Variants in HSD17B3 observed in about 807,000 individuals in gnomAD.
The protein encoded by HSD17B3 is hydroxysteroid 17-beta dehydrogenase 3, also known as 17-beta-hydroxysteroid dehydrogenase type 3.
In HSD17B3, 29 loss-of-function variants were observed where a neutral mutation model predicts 41.1. The ratio of observed to expected loss-of-function variants is 0.71; its 90% CI spans 0.53 to 0.96. HSD17B3 has a LOEUF of 0.96. HSD17B3 is among the 40% of genes least tolerant of loss of function. The probability of loss-of-function intolerance (pLI) is 0.00; values close to 1 mark genes in which losing one functional copy is unlikely to be tolerated. For synonymous variants in HSD17B3, 126 were observed against 145.6 expected (o/e 0.87, Z 0.97); for missense variants, 323 against 374.6 (o/e 0.86, Z 1.14).
intron 2 of HSD17B3, among the ~76,000 whole-genome samples, chr9:96,281,403 AG>A (rs1314006653): frequency 6.6e-6 from 1 of 152,072 alleles, no homozygotes; most frequent in Non-Finnish European, 1.5e-5. Flanking sequence ...GGCCCAACTT[AG>A]GGGAGTTAGA....
At chr9:96,261,345 G>A (rs1032762962) in intron 2 of HSD17B3, among the ~76,000 whole-genome samples, 1 of 152,206 alleles carries the variant, frequency 6.6e-6, no homozygotes. Flanking sequence ...ATGGGCATGT[G>A]CCACCATGCC....
chr9:96,237,135 C>T (rs563665772), intron 10 of HSD17B3, among the ~76,000 whole-genome samples: 8 of 152,320 alleles, frequency 5.3e-5, no homozygotes, highest in African/African-American at 1.7e-4. Context: ...ACAGCAAAGT[C>T]AAGCCCTTTC....
rs1302316178 is a variant in HSD17B3 at position 96,275,010 on chromosome 9, T to C, written c.202-20067A>G. 3.9e-5 allele frequency among the ~76,000 whole-genome samples: 6 copies of C among 152,004 alleles called. No homozygotes were observed. In the South Asian group the frequency reaches 8.3e-4, roughly 21 times the overall value. On this transcript the variant is annotated intron_variant, in intron 2 of 10. Coordinates refer to ENST00000375263, the MANE Select transcript of HSD17B3 (RefSeq NM_000197.2). ...CATTTTGAAAGCAGCAAGAGAAAAG[T>C]TGGAACCCCCTACTAGCAGATTTCT...
chr9:96,240,910 A>G lies in HSD17B3; in HGVS notation c.673-3T>C. 2.5e-6 allele frequency: 4 copies of G among 1,614,200 alleles called. No individual in the cohort carries two copies. Among genetic ancestry groups the G allele is most frequent in the Non-Finnish European group, 2.5e-6 (3 of 1,180,044 alleles). Reference sequence around the variant, plus strand: ...GAGACAGCATATGGGGTCAGCACCTACAACGGGAAACAAAGACCATGGCAC... The same window carrying G: ...GAGACAGCATATGGGGTCAGCACCTGCAACGGGAAACAAAGACCATGGCAC... On this transcript the variant is annotated splice_polypyrimidine_tract_variant and splice_region_variant and intron_variant, in intron 9 of 10. Coordinates refer to ENST00000375263, the MANE Select transcript of HSD17B3 (RefSeq NM_000197.2).
chr9:96,243,915 G>C (rs1836551028), intron 9 of HSD17B3, among the ~76,000 whole-genome samples: 2 of 152,146 alleles, frequency 1.3e-5, no homozygotes, highest in Non-Finnish European at 2.9e-5. Flanking sequence ...CGGATCAAGT[G>C]CCCAGTTTTG....
intron 6 of HSD17B3, among the ~76,000 whole-genome samples, chr9:96,248,173 A>G (rs1161122835): frequency 6.6e-6 from 1 of 152,224 alleles, no homozygotes; most frequent in Non-Finnish European, 1.5e-5. Flanking sequence ...GCTGCAGATG[A>G]CAGTTAGACA....
intron 2 of HSD17B3, among the ~76,000 whole-genome samples, chr9:96,280,701 C>G (rs1826656885): frequency 6.6e-6 from 1 of 152,098 alleles, no homozygotes; most frequent in African/African-American, 2.4e-5. Context: ...GGGCTGCATT[C>G]CCAGATAGTT....
At chr9:96,278,499 T>C (rs1453533310) in intron 2 of HSD17B3, among the ~76,000 whole-genome samples, 6 of 152,274 alleles carry the variant, frequency 3.9e-5, no homozygotes, top group African/African-American at 1.4e-4. Flanking sequence ...TAGATGGCAG[T>C]GCTCTTGAAA....
chr9:96,294,112 C>T lies in HSD17B3; in HGVS notation c.201+4304G>A, dbSNP rs142503312. ...GAGCCCAGAAAATTGTTTAACACAG[C>T]CTCAGTAAAGAACATAAAGAGGCTG... On this transcript the variant is annotated intron_variant, in intron 2 of 10. Transcript: ENST00000375263. Among the ~76,000 whole-genome samples, 4 of 152,212 alleles carry T rather than the reference C, an allele frequency of 2.6e-5. No individual in the cohort carries two copies. In the East Asian group the frequency reaches 7.7e-4, roughly 29 times the overall value.
At chr9:96,245,796 CAT>C (rs1418246262) in intron 7 of HSD17B3, among the ~76,000 whole-genome samples, 1 of 152,186 alleles carries the variant, frequency 6.6e-6, no homozygotes, top group African/African-American at 2.4e-5. Context: ...AATGTGACCA[CAT>C]GAGCTGCCGG....
intron 3 of HSD17B3, 48 bp from the exon 4 acceptor site, chr9:96,252,958 C>CCCT (rs1473518721): frequency 5.9e-6 from 7 of 1,185,208 alleles, no homozygotes; most frequent in Non-Finnish European, 8.9e-6. Flanking sequence ...TCCAAATGCC[C>CCCT]CCTCGCCCAT....
At chr9:96,259,589 C>T (rs1329232721) in intron 2 of HSD17B3, among the ~76,000 whole-genome samples, 3 of 152,052 alleles carry the variant, frequency 2.0e-5, no homozygotes, top group Admixed American at 6.5e-5. Flanking sequence ...GGCATGGTGG[C>T]GCATGCCTGT....
intron 2 of HSD17B3, among the ~76,000 whole-genome samples, chr9:96,255,493 A>G (rs528224390): frequency 6.9e-6 from 1 of 145,466 alleles, no homozygotes; most frequent in South Asian, 2.2e-4. Context: ...GGGTTCAAGC[A>G]ATTCTCCTGC....
intron 9 of HSD17B3, among the ~76,000 whole-genome samples, chr9:96,241,336 A>G (rs1444418038): frequency 6.6e-6 from 1 of 152,210 alleles, no homozygotes; most frequent in East Asian, 1.9e-4. Context: ...CTGAAATTCA[A>G]ATTTAACTGG....
chr9:96,269,413 T>C (rs1826156360), intron 2 of HSD17B3, among the ~76,000 whole-genome samples: 1 of 152,152 alleles, frequency 6.6e-6, no homozygotes, highest in African/African-American at 2.4e-5. Flanking sequence ...GGCAGAAGTG[T>C]TTCTATCAGC....
chr9:96,248,253 T>C (rs1836752671), intron 6 of HSD17B3, among the ~76,000 whole-genome samples: 1 of 152,210 alleles, frequency 6.6e-6, no homozygotes, highest in Non-Finnish European at 1.5e-5. Flanking sequence ...AAAAGATGTG[T>C]GTACCCAATA....
chr9:96,287,427 C>A (rs1826966627), intron 2 of HSD17B3, among the ~76,000 whole-genome samples: 2 of 152,174 alleles, frequency 1.3e-5, no homozygotes, highest in Admixed American at 1.3e-4. Context: ...GATAACTTTA[C>A]TGGCCGGGCG....
At chr9:96,283,842 G>C (rs1351865703) in intron 2 of HSD17B3, among the ~76,000 whole-genome samples, 1 of 152,050 alleles carries the variant, frequency 6.6e-6, no homozygotes, top group East Asian at 1.9e-4. Context: ...TTAGAATAGA[G>C]GAAAAAACTT....
rs141742917 is a variant in HSD17B3, at chr9:96,257,436, C to A, written c.202-2493G>T. ...CCACCACCTTTAGTTTGTTGTTGAGCCTTCTCTAACTATCTCTGCATTTAC... is the reference window on the plus strand; with the variant it reads ...CCACCACCTTTAGTTTGTTGTTGAGACTTCTCTAACTATCTCTGCATTTAC... On this transcript the variant is annotated intron_variant, in intron 2 of 10. Coordinates refer to ENST00000375263, the MANE Select transcript of HSD17B3 (RefSeq NM_000197.2). Among the ~76,000 whole-genome samples the A allele has an allele frequency of 2.9e-4, 44 of 150,978 alleles. No homozygotes were observed. The East Asian group carries it at 4.4e-3, about 15-fold the overall frequency.
Sources: gnomAD v4.1 joint callset for allele counts (sites outside exome capture counted in the v4.1 genomes callset) on GRCh38, gnomAD v4.1.1 for gene constraint, MANE v1.5 for transcripts, NCBI Gene and HGNC (gene_info 2026-07-23, HGNC 2026-07-21) for gene names.